The following DOCK2 variants were observed in gnomAD, a reference collection of about 807,000 sequenced individuals.
The protein encoded by DOCK2 is dedicator of cytokinesis protein 2.
In DOCK2, 87 loss-of-function variants were observed where a neutral mutation model predicts 248.9. The observed-to-expected ratio is 0.35, with a 90% confidence interval of 0.29 to 0.42. The LOEUF is 0.42. Ranked by LOEUF, DOCK2 falls within the 10% of genes least tolerant of loss-of-function variation. The pLI is 1.00. For synonymous variants in DOCK2, 805 were observed against 821.6 expected, an observed-to-expected ratio of 0.98 and a Z score of 0.35; for missense variants, 1,747 against 2,300.2, an observed-to-expected ratio of 0.76 and a Z score of 4.92.
At chr5:169,794,127 C>T (rs886192506) in intron 25 of DOCK2, among the ~76,000 whole-genome samples, 2 of 152,084 alleles carry the variant, frequency 1.3e-5, no homozygotes, top group African/African-American at 4.8e-5. Flanking sequence ...CTACTTTTCC[C>T]GGGAACTGGA....
At chr5:170,002,531 G>C (rs1274591746) in intron 30 of DOCK2, among the ~76,000 whole-genome samples, 2 of 152,166 alleles carry the variant, frequency 1.3e-5, no homozygotes, top group Admixed American at 1.3e-4. Context: ...TCCAAGGTAG[G>C]ATGGAAAATA....
chr5:169,670,982 C>A, intron 4 of DOCK2, 96 bp from the exon 5 acceptor site: 1 of 959,468 alleles, frequency 1.0e-6, no homozygotes, highest in Non-Finnish European at 1.6e-6. Context: ...CAGGAAGGCC[C>A]CTCCGCAGCT....
intron 1 of DOCK2, among the ~76,000 whole-genome samples, chr5:169,644,490 G>A (rs368134357): frequency 6.6e-6 from 1 of 152,098 alleles, no homozygotes; most frequent in African/African-American, 2.4e-5. Flanking sequence ...TGGTGACTCC[G>A]AGGTTTCTGG....
At chr5:170,004,633 CATT>C (rs1737462850) in intron 30 of DOCK2, among the ~76,000 whole-genome samples, 1 of 148,812 alleles carries the variant, frequency 6.7e-6, no homozygotes, top group South Asian at 2.2e-4. Flanking sequence ...TTTATTGTGG[CATT>C]ATTCACAATA....
intron 27 of DOCK2, among the ~76,000 whole-genome samples, chr5:169,956,632 T>G (rs1430058087): frequency 6.6e-6 from 1 of 152,224 alleles, no homozygotes; most frequent in African/African-American, 2.4e-5. Context: ...GAAAATACAT[T>G]GACTCAATCT....
chr5:169,702,121 C>T, intron 13 of DOCK2, 182 bp from the exon 14 acceptor site: 1 of 541,708 alleles, frequency 1.8e-6, no homozygotes, highest in Non-Finnish European at 3.0e-6. Flanking sequence ...CCTTCATCCC[C>T]GTGTTACCTA....
At chr5:169,748,313 G>A (rs1763720539) in intron 23 of DOCK2, among the ~76,000 whole-genome samples, 1 of 152,202 alleles carries the variant, frequency 6.6e-6, no homozygotes, top group Admixed American at 6.5e-5. Context: ...AAGTCAGCCT[G>A]GGGAATGTTT....
chr5:169,783,711 A>G (rs1765833741), intron 25 of DOCK2, among the ~76,000 whole-genome samples: 1 of 152,200 alleles, frequency 6.6e-6, no homozygotes, highest in Non-Finnish European at 1.5e-5. Flanking sequence ...AAGGGTGTTC[A>G]TATATACTAT....
At chr5:169,713,921 C>CT (rs1761728105) in intron 17 of DOCK2, 107 bp from the exon 18 acceptor site, 2 of 1,309,578 alleles carry the variant, frequency 1.5e-6, no homozygotes, top group Non-Finnish European at 2.0e-6. Context: ...TTTCTTCACT[C>CT]TTTATGACTC....
At position 170,075,959 on chromosome 5, in the gene DOCK2, G is replaced by A; in HGVS notation, c.4741G>A (p.Gly1581Arg). The A allele has an allele frequency of 6.2e-7, 1 of 1,614,112 alleles. No individual in the cohort carries two copies. Among genetic ancestry groups the A allele is most frequent in the Non-Finnish European group, 8.5e-7 (1 of 1,180,018 alleles). Residue 1581 changes from glycine (G) to arginine (R), a missense_variant, in exon 47 of 52, where the codon GGA (glycine) becomes AGA (arginine). Gly to Arg is a moderately radical substitution (Grantham distance 125, BLOSUM62 -2). Coordinates refer to ENST00000520908, the MANE Select transcript of DOCK2 (RefSeq NM_004946.3). Reference sequence around the variant, plus strand: ...ACTTTCTCTCCAGATCCCCTTCTTGGGAGCTGGGATTAAGATCCATGAGAA... The same window carrying A: ...ACTTTCTCTCCAGATCCCCTTCTTGAGAGCTGGGATTAAGATCCATGAGAA... Reference protein sequence around the residue: ...DLIAWQIPFLGAGIKIHEKRV... With the variant: ...DLIAWQIPFLRAGIKIHEKRV...
chr5:170,072,868 CTCTT>C (rs1478547226), intron 46 of DOCK2, among the ~76,000 whole-genome samples: 3 of 152,010 alleles, frequency 2.0e-5, no homozygotes, highest in East Asian at 1.9e-4. Context: ...ATTTAGTTGT[CTCTT>C]TATTATTGAT....
At chr5:169,854,719 T>C (rs1307590606) in intron 27 of DOCK2, among the ~76,000 whole-genome samples, 5 of 152,224 alleles carry the variant, frequency 3.3e-5, no homozygotes, top group Non-Finnish European at 7.3e-5. Flanking sequence ...TCCCAATTCA[T>C]TCAATAAACA....
At chr5:169,813,625 C>T (rs261015) in intron 26 of DOCK2, among the ~76,000 whole-genome samples, 41,538 of 152,142 alleles carry the variant, frequency 0.27, 7,488 homozygotes, top group African/African-American at 0.52. Flanking sequence ...TTTAAGGGTT[C>T]TCAAGGGACT....
At chr5:169,699,084 G>A (rs1760806788) in intron 11 of DOCK2, among the ~76,000 whole-genome samples, 1 of 68,862 alleles carries the variant, frequency 1.5e-5, no homozygotes, top group Non-Finnish European at 2.4e-5. Context: ...CTTAGCAGGA[G>A]CAACTCTTGC....
At chr5:169,676,133 T>C (rs1759323357) in intron 6 of DOCK2, among the ~76,000 whole-genome samples, 1 of 152,158 alleles carries the variant, frequency 6.6e-6, no homozygotes, top group African/African-American at 2.4e-5. Context: ...ATGGAAGAAG[T>C]GGTCACTACT....
intron 9 of DOCK2, among the ~76,000 whole-genome samples, chr5:169,694,213 A>G (rs1760471808): frequency 6.6e-6 from 1 of 152,216 alleles, no homozygotes; most frequent in African/African-American, 2.4e-5. Flanking sequence ...ATGTGAGCCG[A>G]CAGCTTATTC....
intron 15 of DOCK2, among the ~76,000 whole-genome samples, chr5:169,711,099 C>A (rs1444803043): frequency 6.6e-6 from 1 of 152,202 alleles, no homozygotes; most frequent in African/African-American, 2.4e-5. Context: ...GATGGTGGAC[C>A]TCCTCAGGCT....
At chr5:169,752,769 A>G (rs1033321636) in intron 23 of DOCK2, among the ~76,000 whole-genome samples, 1 of 151,924 alleles carries the variant, frequency 6.6e-6, no homozygotes, top group African/African-American at 2.4e-5. Flanking sequence ...GTCTCTTAAA[A>G]TAAATAAATA....
At chr5:169,821,447 G>C (rs1768432967) in intron 26 of DOCK2, among the ~76,000 whole-genome samples, 1 of 152,192 alleles carries the variant, frequency 6.6e-6, no homozygotes, top group African/African-American at 2.4e-5. Flanking sequence ...CAAGCCAGAA[G>C]AGAGTGGGGG....
Sources: gnomAD v4.1 joint callset for allele counts (sites outside exome capture counted in the v4.1 genomes callset) on GRCh38, gnomAD v4.1.1 for gene constraint, MANE v1.5 for transcripts, NCBI Gene and HGNC (gene_info 2026-07-23, HGNC 2026-07-21) for gene names.